The following IL3RA variants were observed in gnomAD, a reference collection of about 807,000 sequenced individuals.
IL3RA encodes the protein interleukin-3 receptor subunit alpha.
Under a neutral mutation model 52.3 loss-of-function variants are expected in IL3RA, and 73 were observed. The ratio of observed to expected loss-of-function variants is 1.40; its 90% CI spans 1.16 to 1.70. The LOEUF is 1.70. Ranked by LOEUF, IL3RA falls within the 40% of genes most tolerant of loss-of-function variation. The pLI, the probability that IL3RA is intolerant of heterozygous loss-of-function variation, is 0.00. For missense variants in IL3RA, 664 were observed against 504.4 expected, an observed-to-expected ratio of 1.32 and a Z score of -3.03; for synonymous variants, 260 against 194.0, an observed-to-expected ratio of 1.34 and a Z score of -2.83.
At chrX:1,358,630 G>C (rs1208028929) in intron 7 of IL3RA, among the ~76,000 whole-genome samples, 1 of 152,176 alleles carries the variant, frequency 6.6e-6, no homozygotes, top group African/African-American at 2.4e-5. Context: ...CTGCATTCCA[G>C]CCTGGGTGAC....
intron 3 of IL3RA, among the ~76,000 whole-genome samples, chrX:1,346,044 G>C (rs1434523354): frequency 1.3e-5 from 2 of 151,984 alleles, no homozygotes; most frequent in East Asian, 1.9e-4. Context: ...GCTGGGCGTG[G>C]TGGCTCACGT....
At chrX:1,346,563 T>C (rs1430844478) in intron 3 of IL3RA, among the ~76,000 whole-genome samples, 2 of 151,894 alleles carry the variant, frequency 1.3e-5, no homozygotes, top group African/African-American at 4.9e-5. Context: ...GCCGAGATTG[T>C]GCCACTGCAC....
intron 4 of IL3RA, among the ~76,000 whole-genome samples, chrX:1,349,064 G>C (rs754295400): frequency 6.6e-6 from 1 of 150,398 alleles, no homozygotes; most frequent in South Asian, 2.1e-4. Context: ...CTGGAGCGCA[G>C]TGGTGCAATC....
At chrX:1,348,681 TC>T (rs2085916532) in intron 4 of IL3RA, 136 bp downstream of exon 4, 5 of 463,316 alleles carry the variant, frequency 1.1e-5, no homozygotes, top group Non-Finnish European at 1.9e-5. Flanking sequence ...TTTCTTTCTT[TC>T]TTTCTTTCTT....
chrX:1,345,911 T>G (rs1404660814), intron 3 of IL3RA, among the ~76,000 whole-genome samples: 1 of 151,982 alleles, frequency 6.6e-6, no homozygotes, highest in Admixed American at 6.6e-5. Flanking sequence ...GGTGTGGGAT[T>G]TGAAGTGACT....
chrX:1,357,994 A>C (rs1347936856), intron 7 of IL3RA, among the ~76,000 whole-genome samples: 2 of 151,662 alleles, frequency 1.3e-5, no homozygotes, highest in Non-Finnish European at 2.9e-5. Flanking sequence ...AGTCCCAGCT[A>C]CTTGGGAGGC....
intron 11 of IL3RA, 41 bp from the exon 12 acceptor site, chrX:1,382,350 G>A (rs779919410): frequency 1.3e-6 from 2 of 1,538,804 alleles, no homozygotes; most frequent in Non-Finnish European, 1.8e-6. Flanking sequence ...TCTGTTATCT[G>A]GGGGGTGGCC....
chrX:1,346,295 T>G (rs17883233), intron 3 of IL3RA, among the ~76,000 whole-genome samples: 1 of 151,538 alleles, frequency 6.6e-6, no homozygotes, highest in Non-Finnish European at 1.5e-5. Context: ...AAAAATTAGC[T>G]GGGCATGGTG....
intron 9 of IL3RA, among the ~76,000 whole-genome samples, chrX:1,368,406 A>G (rs1403668786): frequency 6.6e-6 from 1 of 151,712 alleles, no homozygotes; most frequent in Non-Finnish European, 1.5e-5. Context: ...CCAACATGGA[A>G]AAACCCTGTC....
intron 7 of IL3RA, among the ~76,000 whole-genome samples, chrX:1,358,552 G>T (rs191677858): frequency 6.6e-6 from 1 of 152,118 alleles, no homozygotes; most frequent in African/African-American, 2.4e-5. Flanking sequence ...CCAGCTACTC[G>T]GGAGACTGAG....
intron 8 of IL3RA, among the ~76,000 whole-genome samples, chrX:1,359,512 C>G (rs2087002184): frequency 1.4e-5 from 2 of 145,616 alleles, no homozygotes; most frequent in South Asian, 2.3e-4. Flanking sequence ...CCCTCCCCCT[C>G]TCTGTATCTC....
intron 3 of IL3RA, among the ~76,000 whole-genome samples, chrX:1,346,754 C>T (rs1335778987): frequency 6.6e-6 from 1 of 151,400 alleles, no homozygotes; most frequent in African/African-American, 2.5e-5. Flanking sequence ...CATGGGGTGG[C>T]CCAGGTGACA....
At chrX:1,363,372 C>CAA (rs2087625530) in intron 8 of IL3RA, among the ~76,000 whole-genome samples, 1 of 150,134 alleles carries the variant, frequency 6.7e-6, no homozygotes. Context: ...GCAATCTCGG[C>CAA]TCACTGCAAG....
chrX:1,345,031 T>A lies in IL3RA; in HGVS notation c.65-285T>A, dbSNP rs1279802485. 4.1e-5 allele frequency among the ~76,000 whole-genome samples: 6 copies of A among 145,892 alleles called. No homozygotes were observed. In the South Asian group the frequency reaches 6.5e-4, roughly 16 times the overall value. On this transcript the variant is annotated intron_variant, in intron 2 of 11. Coordinates refer to ENST00000331035, the MANE Select transcript of IL3RA (RefSeq NM_002183.4). Reference sequence around the variant, plus strand: ...CAAAAAAAAAAAAATTAGCCGGGCGTGGTGGCGGGCGCCTGTAGTCCCAGC... The same window carrying A: ...CAAAAAAAAAAAAATTAGCCGGGCGAGGTGGCGGGCGCCTGTAGTCCCAGC...
chrX:1,343,980 G>A (rs1209795153), intron 2 of IL3RA, among the ~76,000 whole-genome samples: 4 of 151,606 alleles, frequency 2.6e-5, no homozygotes, highest in Admixed American at 6.6e-5. Flanking sequence ...ATTTTTAGTC[G>A]CGACGGGGTT....
intron 10 of IL3RA, among the ~76,000 whole-genome samples, chrX:1,380,039 C>T (rs1244404369): frequency 4.6e-5 from 7 of 151,890 alleles, no homozygotes; most frequent in Non-Finnish European, 1.0e-4. Flanking sequence ...GGATGACAGG[C>T]GTGAGCCACC....
rs2089147182 is a variant in IL3RA, at chrX:1,380,895, G to C, written c.981-128G>C. 6.5e-6 allele frequency: 5 copies of C among 767,904 alleles called. No individual in the cohort carries two copies. The East Asian group carries it at 9.9e-5, about 15-fold the overall frequency. 47.6% of individuals were successfully genotyped at this position (767,904 alleles called of 1,614,324 possible). A position where few individuals can be genotyped will look rare whatever the true frequency, so the allele number is the denominator to read the frequency against. On this transcript the variant is annotated intron_variant, in intron 10 of 11. Transcript: ENST00000331035. The stretch of plus-strand genomic sequence containing the variant: ...GGGCCTCAGGGGCCGGGAAAATAGA[G>C]ACCCCTCGAGTAGATGACTTGAGTC...
intron 8 of IL3RA, 147 bp from the exon 9 acceptor site, chrX:1,364,991 T>G (rs1354916402): frequency 5.4e-6 from 3 of 553,622 alleles, no homozygotes; most frequent in Non-Finnish European, 1.0e-5. Flanking sequence ...GTATTTTTAG[T>G]AGAGACAGGG....
At chrX:1,345,470 T>C in intron 3 of IL3RA, 36 bp downstream of exon 3, 1 of 1,301,596 alleles carries the variant, frequency 7.7e-7, no homozygotes, top group African/African-American at 1.5e-5. Flanking sequence ...TTATTTTTAT[T>C]TTATTTATTT....
Sources: gnomAD v4.1 joint callset for allele counts (sites outside exome capture counted in the v4.1 genomes callset) on GRCh38, gnomAD v4.1.1 for gene constraint, MANE v1.5 for transcripts, NCBI Gene and HGNC (gene_info 2026-07-23, HGNC 2026-07-21) for gene names.